The following GRIA3 variants were observed in gnomAD, a reference collection of about 807,000 sequenced individuals.
The protein encoded by GRIA3 is glutamate receptor 3.
A neutral mutation model predicts 63.0 loss-of-function variants in GRIA3; 3 were observed. That is an observed-to-expected ratio of 0.05 (90% confidence interval 0.02 to 0.12). The LOEUF is 0.12. GRIA3 is among the 10% of genes least tolerant of loss of function. GRIA3 has a pLI of 1.00. For missense variants in GRIA3, 347 were observed against 700.9 expected (o/e 0.50, Z 5.70); for synonymous variants, 274 against 257.9 (o/e 1.06, Z -0.60).
intron 2 of GRIA3, among the ~76,000 whole-genome samples, chrX:123,194,363 G>T (rs886625095): frequency 9.0e-6 from 1 of 111,564 alleles, no homozygotes; most frequent in Non-Finnish European, 1.9e-5. Context: ...CCCAGAAAGG[G>T]GTCAAGCCAC....
intron 12 of GRIA3, among the ~76,000 whole-genome samples, chrX:123,446,853 G>A (rs375487997): frequency 7.2e-5 from 8 of 111,214 alleles, no homozygotes; most frequent in African/African-American, 2.6e-4. Context: ...AGTCTTAAAG[G>A]AGAACCACAT....
chrX:123,254,890 A>G (rs772552485), intron 3 of GRIA3, among the ~76,000 whole-genome samples: 2 of 110,977 alleles, frequency 1.8e-5, no homozygotes, highest in Non-Finnish European at 3.8e-5. Flanking sequence ...TGATTCTGTG[A>G]TTTTTTTTGA....
At chrX:123,290,509 C>A (rs1163243056) in intron 3 of GRIA3, among the ~76,000 whole-genome samples, 1 of 109,691 alleles carries the variant, frequency 9.1e-6, no homozygotes, top group Non-Finnish European at 1.9e-5. Context: ...AGGGGGCACC[C>A]AACATGTGCA....
intron 5 of GRIA3, among the ~76,000 whole-genome samples, chrX:123,374,617 A>T (rs1373619874): frequency 9.0e-6 from 1 of 111,667 alleles, no homozygotes; most frequent in Non-Finnish European, 1.9e-5. Context: ...TCTTTGTAGC[A>T]ATTGTGAATG....
chrX:123,208,525 TG>T (rs1927954619), intron 2 of GRIA3, among the ~76,000 whole-genome samples: 1 of 112,406 alleles, frequency 8.9e-6, no homozygotes, highest in Admixed American at 9.4e-5. Flanking sequence ...TGAGCTGTTT[TG>T]GGGTGTTTCC....
At chrX:123,377,432 T>A (rs5911609) in intron 5 of GRIA3, among the ~76,000 whole-genome samples, 10 of 111,021 alleles carry the variant, frequency 9.0e-5, no homozygotes, top group Non-Finnish European at 1.5e-4. Context: ...AGGTAAACCA[T>A]GAAATAGCCA....
At chrX:123,305,198 C>T (rs1452819044) in intron 3 of GRIA3, among the ~76,000 whole-genome samples, 2 of 111,165 alleles carry the variant, frequency 1.8e-5, no homozygotes, top group South Asian at 3.8e-4. Context: ...ACTGTTTTCA[C>T]GTCGAGTTTA....
rs200426981 is a variant in GRIA3 at position 123,317,934 on chromosome X, TG to T, written c.509-8091del. Among the ~76,000 whole-genome samples the T allele has an allele frequency of 5.0e-4, 57 of 112,972 alleles. No individual in the cohort carries two copies. The East Asian group carries it at 0.015, about 29-fold the overall frequency. On this transcript the variant is annotated intron_variant, in intron 3 of 15. Coordinates refer to ENST00000620443, the MANE Select transcript of GRIA3 (RefSeq NM_007325.5). The stretch of plus-strand genomic sequence containing the variant: ...GGGTCCCACCCCTGCAGCAAACTTT[TG>T]CCTGGGCATCCAGGCATTTCCATAC...
chrX:123,209,753 T>C (rs1030886151), intron 2 of GRIA3, among the ~76,000 whole-genome samples: 1 of 111,606 alleles, frequency 9.0e-6, no homozygotes. Context: ...TCCCAAGGTA[T>C]ATTTCAACCT....
At chrX:123,412,372 G>A (rs192376837) in intron 10 of GRIA3, among the ~76,000 whole-genome samples, 6 of 112,000 alleles carry the variant, frequency 5.4e-5, no homozygotes, top group South Asian at 7.5e-4. Context: ...TTTATTTTAC[G>A]TTCAGGGGTA....
intron 2 of GRIA3, among the ~76,000 whole-genome samples, chrX:123,215,640 G>C (rs1928139783): frequency 9.0e-6 from 1 of 111,577 alleles, no homozygotes; most frequent in African/African-American, 3.3e-5. Context: ...ACACCCACTG[G>C]GGTACACAGA....
At chrX:123,478,213 C>T (rs1483642807) in intron 13 of GRIA3, among the ~76,000 whole-genome samples, 4 of 111,864 alleles carry the variant, frequency 3.6e-5, no homozygotes, top group Non-Finnish European at 7.5e-5. Context: ...AGTGCCAACA[C>T]TAAACTCAGG....
At chrX:123,430,257 G>A (rs1277175683) in intron 12 of GRIA3, among the ~76,000 whole-genome samples, 1 of 111,736 alleles carries the variant, frequency 8.9e-6, no homozygotes, top group Non-Finnish European at 1.9e-5. Context: ...TTGAAAATCT[G>A]ATTACACAGG....
intron 14 of GRIA3, among the ~76,000 whole-genome samples, chrX:123,480,904 C>G (rs1032012720): frequency 9.0e-6 from 1 of 111,649 alleles, no homozygotes; most frequent in Non-Finnish European, 1.9e-5. Flanking sequence ...TTCCTGCCCC[C>G]CTTCGCTCCC....
chrX:123,303,735 G>GAAGCCCCCAA (rs1174648120), intron 3 of GRIA3, among the ~76,000 whole-genome samples: 1 of 110,700 alleles, frequency 9.0e-6, no homozygotes, highest in African/African-American at 3.3e-5. Flanking sequence ...CTGTGAGGAG[G>GAAGCCCCCAA]ATCTCCCATT....
intron 4 of GRIA3, among the ~76,000 whole-genome samples, chrX:123,353,493 T>C (rs1395030034): frequency 8.9e-6 from 1 of 111,981 alleles, no homozygotes; most frequent in East Asian, 2.8e-4. Flanking sequence ...GCACCGTGCC[T>C]GCATATACTA....
chrX:123,202,573 A>G, intron 2 of GRIA3: 1 of 1,093,086 alleles, frequency 9.1e-7, no homozygotes, highest in Admixed American at 2.7e-5. Context: ...CCCCCTTTCC[A>G]CCCTTCCGCT....
chrX:123,276,790 T>A (rs1424768602), intron 3 of GRIA3, among the ~76,000 whole-genome samples: 1 of 111,680 alleles, frequency 9.0e-6, no homozygotes, highest in African/African-American at 3.3e-5. Flanking sequence ...CATTATTGTG[T>A]CCTTCCCTAC....
chrX:123,202,823 G>A (rs775552603), intron 2 of GRIA3: 225 of 1,108,397 alleles, frequency 2.0e-4, no homozygotes, highest in Middle Eastern at 1.5e-3. Flanking sequence ...TGGAAGGAAA[G>A]GGGAAAGAAT....
Sources: gnomAD v4.1 joint callset for allele counts (sites outside exome capture counted in the v4.1 genomes callset) on GRCh38, gnomAD v4.1.1 for gene constraint, MANE v1.5 for transcripts, NCBI Gene and HGNC (gene_info 2026-07-23, HGNC 2026-07-21) for gene names.